Variants in SLC44A1 observed in about 807,000 individuals in gnomAD.
The protein encoded by SLC44A1 is choline transporter-like protein 1.
Under a neutral mutation model 79.3 loss-of-function variants are expected in SLC44A1, and 26 were observed. That is an observed-to-expected ratio of 0.33 (90% CI 0.24 to 0.46). The LOEUF (loss-of-function observed/expected upper bound fraction) is 0.46, where lower values mean the gene tolerates loss of function less well. Among genes scored for constraint, SLC44A1 ranks in the 20% least tolerant of loss-of-function variants. SLC44A1 has a pLI of 1.00. For missense variants in SLC44A1, 688 were observed against 798.1 expected, an observed-to-expected ratio of 0.86 and a Z score of 1.66; for synonymous variants, 263 against 286.2, an observed-to-expected ratio of 0.92 and a Z score of 0.82.
intron 8 of SLC44A1, among the ~76,000 whole-genome samples, chr9:105,362,082 G>A (rs989525306): frequency 8.5e-5 from 13 of 152,210 alleles, no homozygotes; most frequent in Non-Finnish European, 1.5e-5. Context: ...GCGTGTGTGT[G>A]TGTGTGTGTG....
At chr9:105,311,675 G>A (rs1673215395) in intron 3 of SLC44A1, among the ~76,000 whole-genome samples, 1 of 152,178 alleles carries the variant, frequency 6.6e-6, no homozygotes, top group Admixed American at 6.5e-5. Flanking sequence ...TAGTTTCCCA[G>A]GTGTAGCTGT....
intron 1 of SLC44A1, among the ~76,000 whole-genome samples, chr9:105,294,357 G>A (rs1386343410): frequency 6.6e-6 from 1 of 152,030 alleles, no homozygotes; most frequent in Non-Finnish European, 1.5e-5. Context: ...TACAGTTCAG[G>A]TCTATGGCTA....
intron 1 of SLC44A1, among the ~76,000 whole-genome samples, chr9:105,291,192 A>AT (rs1564418289): frequency 6.6e-6 from 1 of 151,828 alleles, no homozygotes; most frequent in Non-Finnish European, 1.5e-5. Flanking sequence ...CAGCTCTTTT[A>AT]TTTTTTTGTT....
downstream of SLC44A1, among the ~76,000 whole-genome samples, chr9:105,401,549 A>T (rs981786136): frequency 6.6e-6 from 1 of 152,200 alleles, no homozygotes; most frequent in Non-Finnish European, 1.5e-5. Flanking sequence ...TATTATTATT[A>T]GACCAGGGAA....
intron 2 of SLC44A1, among the ~76,000 whole-genome samples, chr9:105,302,674 T>TCAAAAAA (rs1830911751): frequency 2.3e-5 from 3 of 132,518 alleles, no homozygotes; most frequent in Admixed American, 7.7e-5. Flanking sequence ...GGATCTTTTC[T>TCAAAAAA]AAAAAAAAAA....
exon 16 of SLC44A1, chr9:105,438,437 C>A: frequency 1.5e-6 from 1 of 657,950 alleles, no homozygotes; most frequent in Non-Finnish European, 2.7e-6. Flanking sequence ...TTTCTCAAAC[C>A]ACCAACAGCC....
intron 11 of SLC44A1, 140 bp from the exon 12 acceptor site, chr9:105,366,206 G>T: frequency 2.3e-6 from 1 of 429,036 alleles, no homozygotes. Flanking sequence ...ATGTTTTAAG[G>T]AGAAAGTGGA....
At chr9:105,369,380 T>C (rs1226519637) in intron 12 of SLC44A1, among the ~76,000 whole-genome samples, 1 of 152,152 alleles carries the variant, frequency 6.6e-6, no homozygotes, top group Non-Finnish European at 1.5e-5. Flanking sequence ...TGACTTCACA[T>C]GGTGGAAGAG....
rs113895071 is a variant in SLC44A1, at chr9:105,421,595, T to G, written c.1951-16686T>G. Reference sequence around the variant, plus strand: ...CTTCAGAAATCTCTTTTTTTTTTTTTTTTTTTTGAGACAGAGTTTCCATCT... The same window carrying G: ...CTTCAGAAATCTCTTTTTTTTTTTTGTTTTTTTGAGACAGAGTTTCCATCT... On this transcript the variant is annotated intron_variant, in intron 15 of 15. Transcript: ENST00000374724. Among the ~76,000 whole-genome samples, 978 of 151,244 alleles carry G rather than the reference T, an allele frequency of 6.5e-3. 9 individuals carry two copies. The highest frequency in any genetic ancestry group is 0.023 in the African/African-American group (930 of 41,214).
intron 3 of SLC44A1, among the ~76,000 whole-genome samples, chr9:105,326,737 C>T (rs551134294): frequency 6.6e-6 from 1 of 152,348 alleles, no homozygotes; most frequent in East Asian, 1.9e-4. Context: ...GGTTAAGAAT[C>T]TTAACCCTAC....
Position 105,263,834 on chromosome 9 carries a change from G to C in SLC44A1, c.36+18930G>C, listed in dbSNP as rs957201392. ...TTACAGATGTGAGCCACTGCGCCCA[G>C]CTCATATGTTTGTATTTTAAAGAGT... On this transcript the variant is annotated intron_variant, in intron 1 of 15. Transcript: ENST00000374720. 3.9e-5 allele frequency among the ~76,000 whole-genome samples: 6 copies of C among 152,216 alleles called. No homozygotes were observed. The East Asian group carries it at 1.2e-3, about 29-fold the overall frequency.
chr9:105,299,146 C>T lies in SLC44A1; in HGVS notation c.37-74C>T, dbSNP rs888727560. ...TGGCAAAGAAGGGCTCTAGCTATAG[C>T]TGGTGTATTTGTGCCCTTCTAACTT... On this transcript the variant is annotated intron_variant, in intron 1 of 15. Transcript: ENST00000374720. 2.3e-5 allele frequency: 23 copies of T among 995,244 alleles called. No homozygotes were observed. The East Asian group carries it at 5.0e-4, about 22-fold the overall frequency. 61.7% of individuals were successfully genotyped at this position (995,244 alleles called of 1,614,324 possible).
chr9:105,388,994 AT>A, intron 15 of SLC44A1, 38 bp from the exon 16 acceptor site: 1 of 1,497,500 alleles, frequency 6.7e-7, no homozygotes, highest in Non-Finnish European at 9.3e-7. Context: ...TTTAATGGTA[AT>A]TGTCTAAGAT....
Position 105,361,244 on chromosome 9 carries a change from G to C in SLC44A1, c.814G>C (p.Glu272Gln), listed in dbSNP as rs1827770625. 6.2e-7 allele frequency: 1 copy of C among 1,613,970 alleles called. No individual in the cohort carries two copies. Among genetic ancestry groups the C allele is most frequent in the African/African-American group, 1.3e-5 (1 of 74,920 alleles). The change falls in exon 8 of 16, where the codon GAA (glutamate) becomes CAA (glutamine). Residue 272 changes from glutamate (E) to glutamine (Q), a missense_variant. Coordinates refer to ENST00000374720, the MANE Select transcript of SLC44A1 (RefSeq NM_080546.5). ...TGCAAAGCAAAGAAGGTCTCCCAAA[G>C]AAACTGTTACTCCTGAGCAGCTTCA... ...LYAKQRRSPK[E>Q]TVTPEQLQIA...
chr9:105,342,041 A>T (rs1355837411), intron 4 of SLC44A1, among the ~76,000 whole-genome samples: 1 of 152,076 alleles, frequency 6.6e-6, no homozygotes, highest in Non-Finnish European at 1.5e-5. Context: ...ATTCCATCTT[A>T]CTTTCACTTT....
intron 1 of SLC44A1, among the ~76,000 whole-genome samples, chr9:105,273,413 A>G (rs957699674): frequency 6.6e-6 from 1 of 152,254 alleles, no homozygotes; most frequent in African/African-American, 2.4e-5. Context: ...AACATGGTTC[A>G]TGTAGACTGT....
chr9:105,365,068 G>A (rs992873521), intron 10 of SLC44A1, among the ~76,000 whole-genome samples: 9 of 152,112 alleles, frequency 5.9e-5, no homozygotes, highest in South Asian at 2.1e-4. Flanking sequence ...TGTTTAGACC[G>A]GAACAAGTGT....
chr9:105,383,242 T>C lies in SLC44A1; in HGVS notation c.1752T>C (p.His584=). The C allele has an allele frequency of 6.2e-7, 1 of 1,614,032 alleles. No homozygotes were observed. Among genetic ancestry groups the C allele is most frequent in the Non-Finnish European group, 8.5e-7 (1 of 1,179,882 alleles). ...GCCTCTTTGCTTTCCTAGTCGCTCA[T>C]TGCTTCCTGTCTATTTATGAAATGG... ...IVCLFAFLVA[H]CFLSIYEMVV... The change falls in exon 14 of 16, where the codon CAT becomes CAC. Residue 584 remains histidine (H), a synonymous_variant. Coordinates refer to ENST00000374720, the MANE Select transcript of SLC44A1 (RefSeq NM_080546.5).
At chr9:105,397,415 A>G (rs917845793), downstream of SLC44A1, 1 of 951,344 alleles carries the variant, frequency 1.1e-6, no homozygotes, top group Non-Finnish European at 1.3e-6. Flanking sequence ...CATGGGCAAC[A>G]TCTTCGTTTC....
Sources: gnomAD v4.1 joint callset for allele counts (sites outside exome capture counted in the v4.1 genomes callset) on GRCh38, gnomAD v4.1.1 for gene constraint, MANE v1.5 for transcripts, NCBI Gene and HGNC (gene_info 2026-07-23, HGNC 2026-07-21) for gene names.